NFATC2: variants seen among roughly 807,000 people sequenced by gnomAD.
NFATC2 encodes the protein nuclear factor of activated T-cells, cytoplasmic 2.
In NFATC2, 22 loss-of-function variants were observed where a neutral mutation model predicts 87.3. The ratio of observed to expected loss-of-function variants is 0.25; its 90% CI spans 0.18 to 0.36. The LOEUF (loss-of-function observed/expected upper bound fraction) is 0.36, where lower values mean the gene tolerates loss of function less well. NFATC2 is among the 10% of genes least tolerant of loss of function. The probability of loss-of-function intolerance (pLI) is 1.00; values close to 1 mark genes in which losing one functional copy is unlikely to be tolerated. For synonymous variants in NFATC2, 565 were observed against 542.2 expected, an observed-to-expected ratio of 1.04 and a Z score of -0.58; for missense variants, 1,149 against 1,259.1, an observed-to-expected ratio of 0.91 and a Z score of 1.32.
At chr20:51,414,968 G>A (rs1380318582) in intron 9 of NFATC2, among the ~76,000 whole-genome samples, 2 of 151,626 alleles carry the variant, frequency 1.3e-5, no homozygotes, top group African/African-American at 4.8e-5. Context: ...CTCTCCTAGG[G>A]GCTGGGCATG....
chr20:51,525,730 C>T (rs971476310), intron 1 of NFATC2, among the ~76,000 whole-genome samples: 3 of 152,058 alleles, frequency 2.0e-5, no homozygotes, highest in Non-Finnish European at 2.9e-5. Flanking sequence ...TGGTCCAAGC[C>T]GCCGTCCTCT....
At chr20:51,513,106 T>C (rs774614675) in intron 3 of NFATC2, among the ~76,000 whole-genome samples, 6 of 152,312 alleles carry the variant, frequency 3.9e-5, no homozygotes, top group Middle Eastern at 3.4e-3. Context: ...TTCAAATGAC[T>C]TTTTAAAAAG....
chr20:51,531,080 C>G (rs2076625567), intron 1 of NFATC2, among the ~76,000 whole-genome samples: 2 of 152,222 alleles, frequency 1.3e-5, no homozygotes, highest in Admixed American at 1.3e-4. Context: ...GCCACCTACC[C>G]ACTGGATGCC....
chr20:51,407,906 G>A (rs369984770), intron 9 of NFATC2, among the ~76,000 whole-genome samples: 9 of 152,328 alleles, frequency 5.9e-5, no homozygotes, highest in African/African-American at 2.2e-4. Flanking sequence ...GCTAGAAATT[G>A]CCCATGAAAA....
intron 6 of NFATC2, among the ~76,000 whole-genome samples, chr20:51,442,707 GTT>G (rs11422409): frequency 0.02 from 2,759 of 139,820 alleles, 70 homozygotes; most frequent in East Asian, 0.13. Context: ...AATAAAGTTT[GTT>G]TTTTTTTTTT....
At chr20:51,434,425 TCC>T (rs3842429) in intron 8 of NFATC2, among the ~76,000 whole-genome samples, 20,458 of 152,252 alleles carry the variant, frequency 0.13, 1,590 homozygotes, top group East Asian at 0.35. Flanking sequence ...ATAGCCTATT[TCC>T]CAAGGGAGAG....
At chr20:51,461,755 T>C (rs1400227777) in intron 5 of NFATC2, among the ~76,000 whole-genome samples, 2 of 152,242 alleles carry the variant, frequency 1.3e-5, no homozygotes, top group African/African-American at 4.8e-5. Flanking sequence ...AATTACGATC[T>C]ATCCAAGAAC....
In NFATC2 at chr20:51,507,746, G is replaced by A. The variant is rs373005455; in HGVS notation, c.1332+9038C>T. ...CATGGGCCAGTGGTCAACAACATGG[G>A]CTGTGGCTGCAGACGTCCTATGCCC... On this transcript the variant is annotated intron_variant, in intron 3 of 10. Coordinates refer to ENST00000371564, the MANE Select transcript of NFATC2 (RefSeq NM_012340.5). Among the ~76,000 whole-genome samples, 70 of 152,356 alleles carry A rather than the reference G, an allele frequency of 4.6e-4. 3 individuals carry two copies. The South Asian group carries it at 0.014, about 30-fold the overall frequency.
At chr20:51,496,808 A>T (rs2075996142) in intron 3 of NFATC2, among the ~76,000 whole-genome samples, 1 of 151,952 alleles carries the variant, frequency 6.6e-6, no homozygotes, top group Non-Finnish European at 1.5e-5. Flanking sequence ...GACCTCAATT[A>T]TTTTCCCGTC....
Position 51,388,713 on chromosome 20 carries a change from A to C in NFATC2, c.*2783T>G, listed in dbSNP as rs1381105075. The C allele has an allele frequency of 1.3e-5, 2 of 152,226 alleles. No homozygotes were observed. The highest frequency in any genetic ancestry group is 2.9e-5 in the Non-Finnish European group (2 of 68,042). The allele number at this position is 152,226 out of a possible 1,614,324, so 9.4% of individuals were successfully genotyped here. ...AGCAGCATCTTTGTACAATACAGGA[A>C]GACTTGCAAACTTTGGAAATATACT... On this transcript the variant is annotated 3_prime_UTR_variant, in exon 11 of 11. Coordinates refer to ENST00000371564, the MANE Select transcript of NFATC2 (RefSeq NM_012340.5).
chr20:51,486,599 G>A (rs994081849), intron 3 of NFATC2, among the ~76,000 whole-genome samples: 7 of 118,386 alleles, frequency 5.9e-5, no homozygotes, highest in South Asian at 5.2e-4. Context: ...CCCACCCCCC[G>A]CCCCACTAGA....
In NFATC2 at chr20:51,562,580, A is replaced by G. The variant is rs2146857260; in HGVS notation, c.50T>C (p.Ile17Thr). The G allele has an allele frequency of 6.4e-7, 1 of 1,551,226 alleles. No homozygotes were observed. Among genetic ancestry groups the G allele is most frequent in the East Asian group, 2.4e-5 (1 of 40,904 alleles). Reference sequence around the variant, plus strand: ...GTTACCTTGGTCCACAGACCCCATGATGCGGAGGGGATGGCAGTGCCCCAG... The same window carrying G: ...GTTACCTTGGTCCACAGACCCCATGGTGCGGAGGGGATGGCAGTGCCCCAG... Residue 17 changes from isoleucine (I) to threonine (T), a missense_variant, in exon 1 of 11, where the codon ATC becomes ACC. Coordinates refer to the NFATC2 transcript ENST00000414705. The surrounding 1 kb of genome is among the most constrained non-coding windows in gnomAD (Gnocchi z 5.8).
chr20:51,544,132 C>T (rs149497265), upstream of NFATC2, among the ~76,000 whole-genome samples: 3,943 of 151,716 alleles, frequency 0.026, 179 homozygotes, highest in African/African-American at 0.091. Context: ...GGACTACAGG[C>T]GCCAGCCACC....
intron 3 of NFATC2, among the ~76,000 whole-genome samples, chr20:51,508,295 C>T (rs1021414053): frequency 1.3e-5 from 2 of 152,020 alleles, no homozygotes; most frequent in African/African-American, 2.4e-5. Flanking sequence ...CCGACCCTGG[C>T]GCACCCTCCC....
At chr20:51,503,901 T>C (rs1044832265) in intron 3 of NFATC2, among the ~76,000 whole-genome samples, 1 of 152,234 alleles carries the variant, frequency 6.6e-6, no homozygotes, top group Non-Finnish European at 1.5e-5. Context: ...TGGAGTGCAG[T>C]GGTGCAATCT....
chr20:51,399,805 C>T (rs1270577312), intron 9 of NFATC2, among the ~76,000 whole-genome samples: 1 of 152,312 alleles, frequency 6.6e-6, no homozygotes, highest in East Asian at 1.9e-4. Context: ...CTGACTTCTT[C>T]CAAGTCCAAG....
At chr20:51,404,521 CAT>C (rs1292423719) in intron 9 of NFATC2, among the ~76,000 whole-genome samples, 1 of 152,188 alleles carries the variant, frequency 6.6e-6, no homozygotes, top group East Asian at 1.9e-4. Flanking sequence ...TATGGGAATG[CAT>C]ATATATGGCA....
intron 9 of NFATC2, among the ~76,000 whole-genome samples, chr20:51,423,329 T>C (rs1229001448): frequency 6.9e-6 from 1 of 145,404 alleles, no homozygotes; most frequent in Non-Finnish European, 1.5e-5. Flanking sequence ...TTATCTTGGG[T>C]TGTGGCTGGA....
rs1045172926 is a variant in NFATC2 at position 51,542,686 on chromosome 20, G to GCGGCGGCGGCGA, written c.-199_-188dup. ...TCCTGGACGCGCCCGGGGAAGCTGA[G>GCGGCGGCGGCGA]CGGCGGCGGCGACGGCGGCGCGAGC... is the stretch of plus-strand genomic sequence containing the variant. On this transcript the variant is annotated 5_prime_UTR_variant, in exon 1 of 11. Transcript: ENST00000371564. 2.6e-5 allele frequency: 30 copies of GCGGCGGCGGCGA among 1,138,590 alleles called. No individual in the cohort carries two copies. The African/African-American group carries it at 3.6e-4, about 14-fold the overall frequency. 70.5% of individuals were successfully genotyped at this position (1,138,590 alleles called of 1,614,324 possible). A position where few individuals can be genotyped will look rare whatever the true frequency, so the allele number is the denominator to read the frequency against.
Sources: gnomAD v4.1 joint callset for allele counts (sites outside exome capture counted in the v4.1 genomes callset) on GRCh38, gnomAD v4.1.1 for gene constraint, Gnocchi (gnomAD v3.1) non-coding constraint, MANE v1.5 for transcripts, NCBI Gene and HGNC (gene_info 2026-07-23, HGNC 2026-07-21) for gene names.